KCNAB1: variants seen among roughly 807,000 people sequenced by gnomAD.
KCNAB1 encodes the protein voltage-gated potassium channel subunit beta-1.
In KCNAB1, 35 loss-of-function variants were observed where a neutral mutation model predicts 64.6. That is an observed-to-expected ratio of 0.54 (90% CI 0.41 to 0.72). The LOEUF is 0.72. Among genes scored for constraint, KCNAB1 ranks in the 30% least tolerant of loss-of-function variants. KCNAB1 has a pLI of 0.00. For missense variants in KCNAB1, 401 were observed against 512.9 expected (o/e 0.78, Z 2.11); for synonymous variants, 177 against 183.8 (o/e 0.96, Z 0.30).
chr3:156,398,232 C>A (rs1037028999), intron 1 of KCNAB1, among the ~76,000 whole-genome samples: 2 of 151,922 alleles, frequency 1.3e-5, no homozygotes, highest in Non-Finnish European at 2.9e-5. Flanking sequence ...TGGGGCCTGT[C>A]GGGGTGGTGG....
At chr3:156,512,326 T>A (rs1717266219) in intron 8 of KCNAB1, among the ~76,000 whole-genome samples, 1 of 152,240 alleles carries the variant, frequency 6.6e-6, no homozygotes, top group Non-Finnish European at 1.5e-5. Context: ...CACTCCATCT[T>A]CACTGCTTTT....
At chr3:156,231,494 C>T (rs1716523350) in intron 1 of KCNAB1, among the ~76,000 whole-genome samples, 1 of 111,552 alleles carries the variant, frequency 9.0e-6, no homozygotes, top group African/African-American at 4.3e-5. Context: ...CCCTCCCCTC[C>T]CCTCCCTCCC....
At chr3:156,489,493 A>T (rs1715483077) in intron 8 of KCNAB1, among the ~76,000 whole-genome samples, 1 of 152,138 alleles carries the variant, frequency 6.6e-6, no homozygotes, top group Non-Finnish European at 1.5e-5. Flanking sequence ...GGAAATCTTT[A>T]ACAACATTGA....
intron 2 of KCNAB1, among the ~76,000 whole-genome samples, chr3:156,428,486 T>TACAC (rs1491227572): frequency 1.2e-5 from 1 of 84,854 alleles, no homozygotes; most frequent in Non-Finnish European, 2.2e-5. Flanking sequence ...ATAATTCCTC[T>TACAC]ATACACACAC....
intron 1 of KCNAB1, among the ~76,000 whole-genome samples, chr3:156,340,824 T>C (rs1576747826): frequency 6.6e-6 from 1 of 152,344 alleles, no homozygotes; most frequent in African/African-American, 2.4e-5. Flanking sequence ...ATGTCTTTAT[T>C]GGCTATCTTT....
chr3:156,131,112 T>C (rs994683264), intron 1 of KCNAB1, among the ~76,000 whole-genome samples: 2 of 152,238 alleles, frequency 1.3e-5, no homozygotes, highest in Non-Finnish European at 2.9e-5. Context: ...GTCTTTCAAA[T>C]TGTAGACTGT....
intron 1 of KCNAB1, among the ~76,000 whole-genome samples, chr3:156,143,589 T>G (rs1287806047): frequency 6.7e-6 from 1 of 148,230 alleles, no homozygotes; most frequent in Admixed American, 6.7e-5. Flanking sequence ...TTTTTTTTTT[T>G]TTTTTTTTAG....
intron 1 of KCNAB1, among the ~76,000 whole-genome samples, chr3:156,218,294 C>T (rs899257415): frequency 6.6e-6 from 1 of 152,190 alleles, no homozygotes; most frequent in African/African-American, 2.4e-5. Context: ...TATAACTCCA[C>T]TGGACTGGGA....
intron 1 of KCNAB1, among the ~76,000 whole-genome samples, chr3:156,125,275 T>G (rs4261831): frequency 4.6e-5 from 7 of 152,000 alleles, no homozygotes; most frequent in African/African-American, 1.7e-4. Flanking sequence ...TTAAGGCCTA[T>G]GAAGAAAATT....
At chr3:156,464,151 T>C (rs987983490) in intron 6 of KCNAB1, among the ~76,000 whole-genome samples, 1 of 152,172 alleles carries the variant, frequency 6.6e-6, no homozygotes, top group African/African-American at 2.4e-5. Flanking sequence ...CTTGTCTGGC[T>C]CCATGTCTAA....
At chr3:156,403,397 T>C (rs183343459) in intron 1 of KCNAB1, among the ~76,000 whole-genome samples, 2 of 152,340 alleles carry the variant, frequency 1.3e-5, no homozygotes, top group Admixed American at 1.3e-4. Context: ...ATTCTTTCTT[T>C]ACCCTCTGGA....
At chr3:156,368,462 T>C (rs1223485463) in intron 1 of KCNAB1, among the ~76,000 whole-genome samples, 1 of 152,248 alleles carries the variant, frequency 6.6e-6, no homozygotes, top group East Asian at 1.9e-4. Context: ...GGTCTCTCTC[T>C]GTTGCCCAGG....
intron 1 of KCNAB1, among the ~76,000 whole-genome samples, chr3:156,347,549 C>G (rs190158223): frequency 6.6e-6 from 1 of 152,060 alleles, no homozygotes; most frequent in African/African-American, 2.4e-5. Flanking sequence ...ACTCATCCAC[C>G]AGTTAGCACA....
At chr3:156,286,477 T>A (rs1273940334) in intron 1 of KCNAB1, among the ~76,000 whole-genome samples, 1 of 152,252 alleles carries the variant, frequency 6.6e-6, no homozygotes, top group African/African-American at 2.4e-5. Flanking sequence ...TTGGCTGTGG[T>A]TTCCAATGGA....
chr3:156,144,532 G>A (rs983853045), intron 1 of KCNAB1, among the ~76,000 whole-genome samples: 1 of 152,348 alleles, frequency 6.6e-6, no homozygotes, highest in African/African-American at 2.4e-5. Context: ...TCCTGCTTTA[G>A]AAGGGGAGCT....
chr3:156,186,297 A>AG (rs1713186989), intron 1 of KCNAB1, among the ~76,000 whole-genome samples: 1 of 152,200 alleles, frequency 6.6e-6, no homozygotes, highest in Non-Finnish European at 1.5e-5. Context: ...CCATCTTTAA[A>AG]GGATTGCCTT....
intron 1 of KCNAB1, among the ~76,000 whole-genome samples, chr3:156,144,017 T>G (rs1159200450): frequency 6.6e-6 from 1 of 152,104 alleles, no homozygotes; most frequent in African/African-American, 2.4e-5. Context: ...TTATGAAAGA[T>G]TAACAAAAAG....
At chr3:156,491,501 A>G (rs925194934) in intron 8 of KCNAB1, among the ~76,000 whole-genome samples, 2 of 152,152 alleles carry the variant, frequency 1.3e-5, no homozygotes, top group Non-Finnish European at 2.9e-5. Context: ...AGGAAATACA[A>G]TCATTATAGA....
intron 1 of KCNAB1, among the ~76,000 whole-genome samples, chr3:156,185,812 G>C (rs141551936): frequency 1.2e-4 from 19 of 152,058 alleles, no homozygotes. Context: ...AAGAGGAAGA[G>C]TGATCTTCTT....
Sources: gnomAD v4.1 joint callset for allele counts (sites outside exome capture counted in the v4.1 genomes callset) on GRCh38, gnomAD v4.1.1 for gene constraint, MANE v1.5 for transcripts, NCBI Gene and HGNC (gene_info 2026-07-23, HGNC 2026-07-21) for gene names.